Variants in NBEA observed in about 807,000 individuals in gnomAD.
NBEA encodes the protein neurobeachin.
In NBEA, 44 loss-of-function variants were observed where a neutral mutation model predicts 343.4. That is an observed-to-expected ratio of 0.13 (90% CI 0.10 to 0.16). The LOEUF (loss-of-function observed/expected upper bound fraction) is 0.16. Among genes scored for constraint, NBEA ranks in the 10% least tolerant of loss-of-function variants. The pLI is 1.00. For missense variants in NBEA, 2,555 were observed against 3,631.3 expected (o/e 0.70, Z 7.62); for synonymous variants, 1,175 against 1,238.7 (o/e 0.95, Z 1.08).
At position 35,159,777 on chromosome 13, in the gene NBEA, A is replaced by G. The variant is rs1048610560; in HGVS notation, c.3606A>G (p.Ile1202Met). The G allele has an allele frequency of 1.9e-6, 3 of 1,612,696 alleles. No homozygotes were observed. Among genetic ancestry groups the G allele is most frequent in the African/African-American group, 1.3e-5 (1 of 74,900 alleles). Residue 1202 changes from isoleucine to methionine, a missense_variant, in exon 22 of 59, where the codon ATA (isoleucine) becomes ATG (methionine). Transcript: ENST00000379939. ...TAGACTTAACTTGTACATCCAGTATAATAGAAGAAAAAGAATTCAAAATCC... is the reference window on the plus strand; with the variant it reads ...TAGACTTAACTTGTACATCCAGTATGATAGAAGAAAAAGAATTCAAAATCC... Reference protein sequence around the residue: ...GSVDLTCTSSIIEEKEFKIHT... With the variant: ...GSVDLTCTSSMIEEKEFKIHT...
At chr13:35,343,502 C>T (rs1353906241) in intron 36 of NBEA, among the ~76,000 whole-genome samples, 1 of 152,066 alleles carries the variant, frequency 6.6e-6, no homozygotes, top group Non-Finnish European at 1.5e-5. Context: ...TTCAGGGGTC[C>T]CCAATCCCTG....
intron 57 of NBEA, 64 bp downstream of exon 57, chr13:35,667,634 C>A: frequency 7.3e-7 from 1 of 1,377,858 alleles, no homozygotes; most frequent in South Asian, 1.2e-5. Context: ...GATTGTTTTA[C>A]ATTAAATAAT....
chr13:35,497,641 C>G (rs1407384247), intron 41 of NBEA, among the ~76,000 whole-genome samples: 2 of 151,958 alleles, frequency 1.3e-5, no homozygotes, highest in Non-Finnish European at 2.9e-5. Context: ...TAACACTTGA[C>G]CCATCAATTT....
chr13:35,309,827 T>G (rs1321010142), intron 36 of NBEA, among the ~76,000 whole-genome samples: 1 of 152,154 alleles, frequency 6.6e-6, no homozygotes, highest in Admixed American at 6.6e-5. Context: ...TGGTGAGATC[T>G]GAAGTACATT....
At chr13:35,533,040 T>C (rs2078342446) in intron 41 of NBEA, among the ~76,000 whole-genome samples, 1 of 152,142 alleles carries the variant, frequency 6.6e-6, no homozygotes, top group Non-Finnish European at 1.5e-5. Context: ...TCAAAGGGTA[T>C]ATACAAATAC....
chr13:35,606,561 G>A lies in NBEA; in HGVS notation c.7432G>A (p.Val2478Met). 1 of 1,603,766 alleles carries A rather than the reference G, an allele frequency of 6.2e-7. No individual in the cohort carries two copies. Among genetic ancestry groups the A allele is most frequent in the Non-Finnish European group, 8.5e-7 (1 of 1,173,432 alleles). Residue 2478 changes from valine to methionine, a missense_variant, in exon 48 of 59, where the codon GTG (valine) becomes ATG (methionine). By Grantham distance (21) the Val-to-Met change is conservative. Coordinates refer to ENST00000379939, the MANE Select transcript of NBEA (RefSeq NM_001385012.1). ...PPWAKKPEDF[V>M]RINRMALESE... ...TTGGGCAAAAAAACCTGAAGACTTT[G>A]TGCGGATCAACAGGATGGTAAGAGA...
At chr13:35,617,498 CA>C (rs2153058187) in intron 48 of NBEA, among the ~76,000 whole-genome samples, 1 of 152,240 alleles carries the variant, frequency 6.6e-6, no homozygotes, top group South Asian at 2.1e-4. Context: ...TGTGTGTCAA[CA>C]AAAAGCTGTA....
chr13:35,324,870 C>A (rs1454429756), intron 36 of NBEA, among the ~76,000 whole-genome samples: 1 of 151,936 alleles, frequency 6.6e-6, no homozygotes, highest in Non-Finnish European at 1.5e-5. Flanking sequence ...TGTGTGGAAT[C>A]CAAACAAACA....
chr13:34,978,310 G>A (rs1229550916), intron 1 of NBEA, among the ~76,000 whole-genome samples: 1 of 152,090 alleles, frequency 6.6e-6, no homozygotes, highest in Non-Finnish European at 1.5e-5. Flanking sequence ...AAATTTTATA[G>A]TGAACACCCA....
chr13:35,604,474 C>A (rs2082198706), intron 47 of NBEA, among the ~76,000 whole-genome samples: 3 of 150,362 alleles, frequency 2.0e-5, no homozygotes, highest in African/African-American at 7.4e-5. Context: ...CAATAGGGCC[C>A]CTTTCTCTCC....
At chr13:35,293,496 T>G (rs1396231174) in intron 35 of NBEA, among the ~76,000 whole-genome samples, 1 of 151,920 alleles carries the variant, frequency 6.6e-6, no homozygotes, top group Non-Finnish European at 1.5e-5. Flanking sequence ...TGAACTAAAG[T>G]AAAAAAATTA....
chr13:35,668,309 T>A (rs1289550144), intron 57 of NBEA, 59 bp from the exon 58 acceptor site: 1 of 1,504,888 alleles, frequency 6.6e-7, no homozygotes, highest in Non-Finnish European at 9.0e-7. Context: ...GAGAAATGGT[T>A]GTTGTGTATT....
At chr13:35,627,971 A>G in intron 48 of NBEA, 110 bp from the exon 49 acceptor site, 1 of 775,698 alleles carries the variant, frequency 1.3e-6, no homozygotes, top group Non-Finnish European at 1.9e-6. Flanking sequence ...ACAGAAATTT[A>G]AAGAGCATAT....
intron 41 of NBEA, among the ~76,000 whole-genome samples, chr13:35,528,189 C>T (rs1048785525): frequency 1.3e-5 from 2 of 152,096 alleles, no homozygotes; most frequent in Non-Finnish European, 2.9e-5. Flanking sequence ...ATTATGATGA[C>T]ATTTAATAGA....
intron 40 of NBEA, among the ~76,000 whole-genome samples, chr13:35,469,884 T>C (rs750695082): frequency 1.3e-5 from 2 of 152,244 alleles, no homozygotes; most frequent in Non-Finnish European, 2.9e-5. Context: ...ATGGAAGATG[T>C]GCTGGCTTGT....
intron 16 of NBEA, among the ~76,000 whole-genome samples, chr13:35,121,829 T>C (rs2152674589): frequency 6.6e-6 from 1 of 152,274 alleles, no homozygotes; most frequent in African/African-American, 2.4e-5. Flanking sequence ...ATATTGCATC[T>C]TTTACTAGAT....
chr13:35,664,653 C>G (rs928029989), intron 55 of NBEA, among the ~76,000 whole-genome samples: 1 of 152,190 alleles, frequency 6.6e-6, no homozygotes, highest in Non-Finnish European at 1.5e-5. Flanking sequence ...GCTGTATGAA[C>G]TTGGGCAAGT....
At chr13:35,274,576 C>T (rs2034439320) in intron 34 of NBEA, among the ~76,000 whole-genome samples, 1 of 152,196 alleles carries the variant, frequency 6.6e-6, no homozygotes, top group South Asian at 2.1e-4. Flanking sequence ...GTCAAATTGT[C>T]TCTGTTTGCA....
chr13:35,667,233 C>T (rs2085400615), intron 56 of NBEA, 141 bp from the exon 57 acceptor site: 1 of 660,480 alleles, frequency 1.5e-6, no homozygotes, highest in Non-Finnish European at 2.6e-6. Flanking sequence ...AGCATCAGCG[C>T]TTGGCCTGGC....
Sources: allele counts gnomAD v4.1 joint callset (sites outside exome capture counted in the v4.1 genomes callset), GRCh38; gene constraint gnomAD v4.1.1; transcripts MANE v1.5; gene names NCBI Gene and HGNC (gene_info 2026-07-23, HGNC 2026-07-21).